Variants in PACS2 observed in about 807,000 individuals in gnomAD.
PACS2 encodes the protein phosphofurin acidic cluster sorting protein 2.
Under a neutral mutation model 113.0 loss-of-function variants are expected in PACS2, and 36 were observed. That is an observed-to-expected ratio of 0.32 (90% CI 0.24 to 0.42). The LOEUF (loss-of-function observed/expected upper bound fraction) is 0.42. Ranked by LOEUF, PACS2 falls within the 10% of genes least tolerant of loss-of-function variation. The pLI is 1.00. For missense variants in PACS2, 1,015 were observed against 1,239.5 expected (o/e 0.82, Z 2.72); for synonymous variants, 589 against 536.1 (o/e 1.10, Z -1.36).
chr14:105,344,251 G>T (rs2059835796), intron 1 of PACS2, among the ~76,000 whole-genome samples: 1 of 149,574 alleles, frequency 6.7e-6, no homozygotes. Context: ...TTGCCTGGAA[G>T]TTTTTTTTTG....
chr14:105,392,809 T>A lies in PACS2; in HGVS notation c.2446T>A (p.Ser816Thr), dbSNP rs1555415315. Residue 816 changes from serine (S) to threonine (T), a missense_variant, in exon 23 of 25, where the codon TCC becomes ACC. Transcript: ENST00000447393. ...SGEAAATPTM[S>T]MTVVTKEKNK... ...CGAGGCTGCAGCCACGCCCACCATG[T>A]CCATGACCGTGGTCACCAAGGAGAA... 8.1e-6 allele frequency: 13 copies of A among 1,607,796 alleles called. 1 individual carries two copies.
chr14:105,352,999 C>T (rs587689871), intron 3 of PACS2, among the ~76,000 whole-genome samples: 1 of 128,994 alleles, frequency 7.8e-6, no homozygotes, highest in South Asian at 2.6e-4. Flanking sequence ...GGTGACGGGC[C>T]CCCTCATCAC....
At chr14:105,378,651 C>A (rs2080870087) in intron 9 of PACS2, among the ~76,000 whole-genome samples, 1 of 152,256 alleles carries the variant, frequency 6.6e-6, no homozygotes, top group Admixed American at 6.5e-5. Flanking sequence ...AGCGAACCAC[C>A]TGCCTTGGCC....
upstream of PACS2, among the ~76,000 whole-genome samples, chr14:105,311,219 G>A (rs1857213851): frequency 6.6e-6 from 1 of 152,066 alleles, no homozygotes; most frequent in Non-Finnish European, 1.5e-5. Context: ...CTCCCAAAGT[G>A]CTAAGATTAC....
intron 3 of PACS2, among the ~76,000 whole-genome samples, chr14:105,353,612 G>A (rs1435303090): frequency 6.6e-6 from 1 of 151,996 alleles, no homozygotes; most frequent in Non-Finnish European, 1.5e-5. Context: ...TTGTTTGTTT[G>A]TTTGTTTTTG....
Position 105,355,154 on chromosome 14 carries a change from G to A in PACS2, c.400G>A (p.Ala134Thr), listed in dbSNP as rs1555405106. 7.4e-6 allele frequency: 12 copies of A among 1,613,378 alleles called. No homozygotes were observed. The highest frequency in any genetic ancestry group is 1.7e-4 in the Middle Eastern group (1 of 6,060). Reference sequence around the variant, plus strand: ...CATCCTGGGCTACAAGACGCTGGCCGCGGGCTCCATCAGCATGGCTGAGGT... The same window carrying A: ...CATCCTGGGCTACAAGACGCTGGCCACGGGCTCCATCAGCATGGCTGAGGT... ...RTILGYKTLAAGSISMAEVMQ... is the reference protein window; with the variant it reads ...RTILGYKTLATGSISMAEVMQ... Residue 134 changes from alanine (A) to threonine (T), a missense_variant, in exon 4 of 25, where the codon GCG (alanine) becomes ACG (threonine). Ala to Thr is a moderately conservative substitution (Grantham distance 58). This residue lies in a region of PACS2 where 16 missense variants were observed against 47.6 expected (regional missense o/e 0.34). Coordinates refer to ENST00000447393, the MANE Select transcript of PACS2 (RefSeq NM_001100913.3). This position sits in a 1 kb window ranked among gnomAD's most constrained non-coding sequence, Gnocchi z 4.1.
At chr14:105,333,307 C>T (rs897615937) in intron 1 of PACS2, among the ~76,000 whole-genome samples, 1 of 152,238 alleles carries the variant, frequency 6.6e-6, no homozygotes, top group African/African-American at 2.4e-5. Flanking sequence ...TCTGCCCTCC[C>T]CTGGCCTGCC....
intron 23 of PACS2, 119 bp downstream of exon 23, chr14:105,392,964 A>G: frequency 1.3e-6 from 1 of 778,300 alleles, no homozygotes; most frequent in Non-Finnish European, 2.1e-6. Context: ...CCACATGCGC[A>G]GGCAGGGGCG....
At chr14:105,368,800 G>T (rs2061044895) in intron 7 of PACS2, among the ~76,000 whole-genome samples, 1 of 152,210 alleles carries the variant, frequency 6.6e-6, no homozygotes, top group Non-Finnish European at 1.5e-5. Flanking sequence ...CTGCCTCGCT[G>T]CCAGGCTCAC....
At chr14:105,364,497 T>G (rs2060875428) in intron 4 of PACS2, among the ~76,000 whole-genome samples, 1 of 140,002 alleles carries the variant, frequency 7.1e-6, no homozygotes, top group Non-Finnish European at 1.6e-5. Flanking sequence ...GCGGCCCGGG[T>G]GCGCGGTGGG....
At position 105,329,628 on chromosome 14, in the gene PACS2, C is replaced by T. The variant is rs911030300; in HGVS notation, c.119+14591C>T. Among the ~76,000 whole-genome samples the T allele has an allele frequency of 2.6e-5, 4 of 152,114 alleles. No individual in the cohort carries two copies. Among genetic ancestry groups the T allele is most frequent in the Non-Finnish European group, 5.9e-5 (4 of 68,024 alleles). ...GGCGGGCACCTTCTGGGCTTGGGGG[C>T]GGGGCTTCTCACGATGGCTCAGGGA... On this transcript the variant is annotated intron_variant, in intron 1 of 24. Transcript: ENST00000447393. The surrounding 1 kb of genome is among the most constrained non-coding windows in gnomAD (Gnocchi z 6.4).
rs182189511 is a variant in PACS2, at chr14:105,328,186, G to T, written c.119+13149G>T. The stretch of plus-strand genomic sequence containing the variant: ...TGTGGAGGTGCACGGAGAAGAGAGG[G>T]GTGCAGTTCTTAAAGGACACATGGC... On this transcript the variant is annotated intron_variant, in intron 1 of 24. Coordinates refer to ENST00000447393, the MANE Select transcript of PACS2 (RefSeq NM_001100913.3). Among the ~76,000 whole-genome samples, 7 of 152,358 alleles carry T rather than the reference G, an allele frequency of 4.6e-5. No homozygotes were observed. In the East Asian group the frequency reaches 1.3e-3, roughly 29 times the overall value.
Position 105,394,836 on chromosome 14 carries a change from G to A in PACS2, c.*164G>A, listed in dbSNP as rs1555416140. 3 of 613,246 alleles carry A rather than the reference G, an allele frequency of 4.9e-6. No homozygotes were observed. Among genetic ancestry groups the A allele is most frequent in the Non-Finnish European group, 8.8e-6 (3 of 339,390 alleles). 38.0% of individuals were successfully genotyped at this position (613,246 alleles called of 1,614,324 possible). On this transcript the variant is annotated 3_prime_UTR_variant, in exon 25 of 25. Coordinates refer to ENST00000447393, the MANE Select transcript of PACS2 (RefSeq NM_001100913.3). ...CGTGGAAACTAACGGGGGAGCTCCT[G>A]CCAGGAGCCGAATAACTGCTCTGCT...
At chr14:105,331,731 A>G (rs1001389317) in intron 1 of PACS2, among the ~76,000 whole-genome samples, 12 of 152,252 alleles carry the variant, frequency 7.9e-5, no homozygotes, top group African/African-American at 2.9e-4. Flanking sequence ...ATGCAGGAGA[A>G]ACAGCAATGC....
chr14:105,335,883 A>T (rs2059497780), intron 1 of PACS2, among the ~76,000 whole-genome samples: 1 of 152,174 alleles, frequency 6.6e-6, no homozygotes, highest in Non-Finnish European at 1.5e-5. Flanking sequence ...GTGATGCAGG[A>T]GCAGAGAGCC....
chr14:105,394,012 T>A (rs1358978929), intron 24 of PACS2, among the ~76,000 whole-genome samples: 1 of 129,324 alleles, frequency 7.7e-6, no homozygotes, highest in Non-Finnish European at 1.5e-5. Flanking sequence ...CACTCCAGCC[T>A]GGGTGACAGA....
intron 3 of PACS2, among the ~76,000 whole-genome samples, chr14:105,353,428 T>G (rs1284892332): frequency 6.9e-6 from 1 of 145,642 alleles, no homozygotes; most frequent in Non-Finnish European, 1.5e-5. Flanking sequence ...CACTGTCCCC[T>G]GGGGTGATGG....
intron 1 of PACS2, among the ~76,000 whole-genome samples, chr14:105,306,451 A>G (rs1250774850): frequency 1.3e-5 from 2 of 148,952 alleles, no homozygotes; most frequent in African/African-American, 2.5e-5. Context: ...TTACAGGTGC[A>G]TGCCACCATG....
intron 1 of PACS2, among the ~76,000 whole-genome samples, chr14:105,333,380 G>T (rs1487244838): frequency 6.6e-6 from 1 of 152,254 alleles, no homozygotes; most frequent in Non-Finnish European, 1.5e-5. Context: ...CGCCACTGCT[G>T]TGTTAGCTGC....
Sources: gnomAD v4.1 joint callset for allele counts (sites outside exome capture counted in the v4.1 genomes callset) on GRCh38, gnomAD v4.1.1 for gene constraint, gnomAD v4.1.1 regional missense constraint, Gnocchi (gnomAD v3.1) non-coding constraint, MANE v1.5 for transcripts, NCBI Gene and HGNC (gene_info 2026-07-23, HGNC 2026-07-21) for gene names.